Variants in EPHA6 observed in about 807,000 individuals in gnomAD.
The protein encoded by EPHA6 is ephrin type-A receptor 6.
EPHA6 carries 50 observed loss-of-function variants against 112.0 expected under a neutral mutation model. The observed-to-expected ratio is 0.45, with a 90% CI of 0.36 to 0.56. EPHA6 has a LOEUF of 0.56. Ranked by LOEUF, EPHA6 falls within the 20% of genes least tolerant of loss-of-function variation. EPHA6 has a pLI of 0.00. For missense variants in EPHA6, 1,280 were observed against 1,417.4 expected (o/e 0.90, Z 1.56); for synonymous variants, 529 against 490.7 (o/e 1.08, Z -1.03).
At chr3:96,932,311 C>A (rs900826028) in intron 2 of EPHA6, among the ~76,000 whole-genome samples, 5 of 152,182 alleles carry the variant, frequency 3.3e-5, no homozygotes, top group Non-Finnish European at 5.9e-5. Context: ...CTTGGCCCCT[C>A]CATGCAATTC....
chr3:96,880,514 T>A (rs951972862), intron 2 of EPHA6, among the ~76,000 whole-genome samples: 1 of 151,822 alleles, frequency 6.6e-6, no homozygotes, highest in Non-Finnish European at 1.5e-5. Flanking sequence ...CAGCTAATAT[T>A]TTCCCCCCTT....
intron 3 of EPHA6, among the ~76,000 whole-genome samples, chr3:97,168,658 T>G (rs1028107360): frequency 2.0e-5 from 3 of 152,128 alleles, no homozygotes; most frequent in Non-Finnish European, 4.4e-5. Context: ...AAGATGTGCT[T>G]GCTTCTCCTT....
chr3:97,385,742 CT>C (rs1005260911), intron 5 of EPHA6, among the ~76,000 whole-genome samples: 2 of 152,298 alleles, frequency 1.3e-5, no homozygotes, highest in African/African-American at 4.8e-5. Context: ...CCTCAGGAAA[CT>C]TACATTCATG....
chr3:96,824,708 G>A (rs1050308130), intron 1 of EPHA6, among the ~76,000 whole-genome samples: 5 of 151,846 alleles, frequency 3.3e-5, no homozygotes, highest in Admixed American at 1.3e-4. Context: ...CTGTACAGTT[G>A]GTAAGTTACC....
chr3:97,522,498 C>T (rs1351313433), intron 10 of EPHA6, among the ~76,000 whole-genome samples: 1 of 152,010 alleles, frequency 6.6e-6, no homozygotes, highest in Non-Finnish European at 1.5e-5. Context: ...AGGATATAGG[C>T]TTGTAGTTCT....
At chr3:96,959,629 C>T (rs2041887188) in intron 2 of EPHA6, among the ~76,000 whole-genome samples, 1 of 151,866 alleles carries the variant, frequency 6.6e-6, no homozygotes, top group Admixed American at 6.6e-5. Flanking sequence ...TATAGTTTAG[C>T]TTTTATATTT....
chr3:97,679,411 T>C (rs1245552530), intron 14 of EPHA6, among the ~76,000 whole-genome samples: 2 of 152,176 alleles, frequency 1.3e-5, no homozygotes, highest in East Asian at 1.9e-4. Context: ...CCTAAACTGA[T>C]AAATCTCTAT....
intron 14 of EPHA6, among the ~76,000 whole-genome samples, chr3:97,643,166 C>A (rs1039899264): frequency 6.6e-6 from 1 of 150,936 alleles, no homozygotes; most frequent in Non-Finnish European, 1.5e-5. Context: ...AATTTTCAAC[C>A]CAGAATTTCA....
Position 97,659,183 on chromosome 3 carries a change from TA to T in EPHA6, c.2784+21105del, listed in dbSNP as rs552552518. Among the ~76,000 whole-genome samples the T allele has an allele frequency of 7.2e-5, 11 of 151,982 alleles. No individual in the cohort carries two copies. In the South Asian group the frequency reaches 1.0e-3, roughly 14 times the overall value. ...CTGATTTAGTCAGTGTTTCCATCTA[TA>T]AAATTTAAGATATAATTAGAAACAA... On this transcript the variant is annotated intron_variant, in intron 14 of 17. Transcript: ENST00000389672.
rs185111376 is a variant in EPHA6 at position 97,659,267 on chromosome 3, G to T, written c.2784+21185G>T. Among the ~76,000 whole-genome samples, 3 of 152,036 alleles carry T rather than the reference G, an allele frequency of 2.0e-5. No homozygotes were observed. The East Asian group carries it at 5.8e-4, about 29-fold the overall frequency. Reference sequence around the variant, plus strand: ...AAAAAGGAATTATTAAAGTGAAAAAGTTTGTGTTTAGAACAAATCAGGTAG... The same window carrying T: ...AAAAAGGAATTATTAAAGTGAAAAATTTTGTGTTTAGAACAAATCAGGTAG... On this transcript the variant is annotated intron_variant, in intron 14 of 17. Transcript: ENST00000389672.
intron 5 of EPHA6, among the ~76,000 whole-genome samples, chr3:97,296,507 G>A (rs1020886442): frequency 6.6e-6 from 1 of 152,170 alleles, no homozygotes; most frequent in Non-Finnish European, 1.5e-5. Flanking sequence ...AGTTTATAGA[G>A]AGCATGCAAG....
At chr3:96,894,985 T>G (rs1334710390) in intron 2 of EPHA6, among the ~76,000 whole-genome samples, 1 of 152,176 alleles carries the variant, frequency 6.6e-6, no homozygotes, top group Admixed American at 6.5e-5. Context: ...TGGTGTATTA[T>G]CTACTTACAA....
At chr3:97,541,656 C>T (rs2092852958) in intron 11 of EPHA6, among the ~76,000 whole-genome samples, 1 of 150,642 alleles carries the variant, frequency 6.6e-6, no homozygotes, top group Non-Finnish European at 1.5e-5. Flanking sequence ...ACCTTGAAAC[C>T]TTTCATGTGC....
chr3:96,864,416 G>A (rs2036187771), intron 1 of EPHA6, among the ~76,000 whole-genome samples: 1 of 152,022 alleles, frequency 6.6e-6, no homozygotes, highest in Non-Finnish European at 1.5e-5. Context: ...GATCTCAAAT[G>A]CATATGTGAA....
chr3:97,021,674 G>T (rs1414785885), intron 3 of EPHA6, among the ~76,000 whole-genome samples: 1 of 152,184 alleles, frequency 6.6e-6, no homozygotes, highest in Admixed American at 6.5e-5. Context: ...TTTCCTCTGT[G>T]CTTGTGCACT....
At chr3:96,895,546 A>G (rs1446620510) in intron 2 of EPHA6, among the ~76,000 whole-genome samples, 1 of 152,214 alleles carries the variant, frequency 6.6e-6, no homozygotes, top group Non-Finnish European at 1.5e-5. Flanking sequence ...AGGCCTTCAC[A>G]TTCACTCACC....
chr3:97,376,705 G>A (rs776934993), intron 5 of EPHA6, among the ~76,000 whole-genome samples: 5 of 152,118 alleles, frequency 3.3e-5, no homozygotes, highest in Admixed American at 6.6e-5. Context: ...TCCTGCTCAG[G>A]TCATTATTTT....
At chr3:96,842,643 G>T (rs1219400916) in intron 1 of EPHA6, among the ~76,000 whole-genome samples, 2 of 151,790 alleles carry the variant, frequency 1.3e-5, no homozygotes, top group African/African-American at 4.8e-5. Flanking sequence ...TATAGTGATG[G>T]GTATTAATAC....
Position 96,866,881 on chromosome 3 carries a change from T to C in EPHA6, c.442T>C (p.Leu148=). 6.8e-7 allele frequency: 1 copy of C among 1,473,566 alleles called. No individual in the cohort carries two copies. The highest frequency in any genetic ancestry group is 9.1e-7 in the Non-Finnish European group (1 of 1,104,586). The allele number at this position is 1,473,566 out of a possible 1,614,324, so 91.3% of individuals were successfully genotyped here. ...LGELGWKTYP[L]NGWDAITEMD... ...AGAGCTAGGATGGAAAACATATCCA[T>C]TAAATGGGGTAAGTTTAAATATCTG... The change falls in exon 2 of 18, where the codon TTA becomes CTA. Residue 148 remains leucine (L), a synonymous_variant. Coordinates refer to ENST00000389672, the MANE Select transcript of EPHA6 (RefSeq NM_001080448.3).
Sources: gnomAD v4.1 joint callset for allele counts (sites outside exome capture counted in the v4.1 genomes callset) on GRCh38, gnomAD v4.1.1 for gene constraint, MANE v1.5 for transcripts, NCBI Gene and HGNC (gene_info 2026-07-23, HGNC 2026-07-21) for gene names.